The following TNRC6C variants were observed in gnomAD, a reference collection of about 807,000 sequenced individuals.
TNRC6C encodes trinucleotide repeat-containing gene 6C protein.
TNRC6C carries 20 observed loss-of-function variants against 153.7 expected under a neutral mutation model. The observed-to-expected ratio is 0.13, with a 90% CI of 0.09 to 0.19. The LOEUF (loss-of-function observed/expected upper bound fraction) is 0.19, where lower values mean the gene tolerates loss of function less well. Ranked by LOEUF, TNRC6C falls within the 10% of genes least tolerant of loss-of-function variation. The pLI is 1.00. For missense variants in TNRC6C, 1,987 were observed against 2,172.0 expected (o/e 0.91, Z 1.69); for synonymous variants, 811 against 841.4 (o/e 0.96, Z 0.63).
intron 1 of TNRC6C, among the ~76,000 whole-genome samples, chr17:78,030,321 T>TGTGTGC (rs1555633022): frequency 7.3e-6 from 1 of 137,878 alleles, no homozygotes; most frequent in African/African-American, 2.5e-5. Context: ...GGCTTGTGTG[T>TGTGTGC]GTGCGTGTGT....
intron 1 of TNRC6C, among the ~76,000 whole-genome samples, chr17:77,962,484 A>G (rs1373272565): frequency 6.6e-6 from 1 of 152,234 alleles, no homozygotes; most frequent in African/African-American, 2.4e-5. Context: ...AGAGCAAGCA[A>G]AGATTACCAA....
At chr17:78,011,130 G>A (rs892881396) in intron 1 of TNRC6C, among the ~76,000 whole-genome samples, 1 of 152,206 alleles carries the variant, frequency 6.6e-6, no homozygotes, top group Non-Finnish European at 1.5e-5. Flanking sequence ...ACAGTCTGCT[G>A]TCTAAAAAAT....
chr17:78,081,335 A>AG (rs2073175869), intron 10 of TNRC6C, among the ~76,000 whole-genome samples: 1 of 152,038 alleles, frequency 6.6e-6, no homozygotes, highest in Non-Finnish European at 1.5e-5. Flanking sequence ...TACGAAAAAG[A>AG]GCAGGATGCA....
At chr17:77,970,537 G>A (rs2070932480) in intron 1 of TNRC6C, among the ~76,000 whole-genome samples, 1 of 152,206 alleles carries the variant, frequency 6.6e-6, no homozygotes, top group South Asian at 2.1e-4. Flanking sequence ...TATGTTAAAT[G>A]ACTGAGACTG....
chr17:78,003,830 A>G (rs1459032485), upstream of TNRC6C, among the ~76,000 whole-genome samples: 1 of 152,186 alleles, frequency 6.6e-6, no homozygotes, highest in Non-Finnish European at 1.5e-5. Context: ...TTGGGAGGCC[A>G]GGGCAGGAGA....
rs1289657935 is a variant in TNRC6C at position 78,104,891 on chromosome 17, C to A, written c.*46C>A. 1.4e-6 allele frequency: 2 copies of A among 1,379,402 alleles called. No homozygotes were observed. The highest frequency in any genetic ancestry group is 6.9e-5 in the Admixed American group (2 of 29,166). 85.4% of individuals were successfully genotyped at this position (1,379,402 alleles called of 1,614,324 possible). A position where few individuals can be genotyped will look rare whatever the true frequency, so the allele number is the denominator to read the frequency against. On this transcript the variant is annotated 3_prime_UTR_variant, in exon 20 of 20. Coordinates refer to ENST00000301624, the Ensembl canonical transcript of TNRC6C. The surrounding 1 kb of genome is among the most constrained non-coding windows in gnomAD (Gnocchi z 6.2). Reference sequence around the variant, plus strand: ...AGGAGAGCCGACCCCTCCCGGGACCCCTCCCGGCTGGGCGGCCCCACAGAC... The same window carrying A: ...AGGAGAGCCGACCCCTCCCGGGACCACTCCCGGCTGGGCGGCCCCACAGAC...
intron 10 of TNRC6C, among the ~76,000 whole-genome samples, chr17:78,080,369 C>T (rs749212856): frequency 6.6e-6 from 1 of 152,052 alleles, no homozygotes; most frequent in Non-Finnish European, 1.5e-5. Context: ...TCGCTTGACC[C>T]GGGGAGGTGG....
intron 1 of TNRC6C, among the ~76,000 whole-genome samples, chr17:77,984,430 A>G (rs1364385032): frequency 6.6e-6 from 1 of 152,086 alleles, no homozygotes; most frequent in Non-Finnish European, 1.5e-5. Context: ...CCAGAGGCTA[A>G]GGTGGGAGGA....
chr17:78,014,113 A>G (rs2071686314), intron 1 of TNRC6C, among the ~76,000 whole-genome samples: 1 of 152,182 alleles, frequency 6.6e-6, no homozygotes. Context: ...TTCCCAATTT[A>G]TCAGTCCTGG....
At chr17:78,020,311 C>T (rs545790143) in intron 1 of TNRC6C, among the ~76,000 whole-genome samples, 8 of 152,278 alleles carry the variant, frequency 5.3e-5, no homozygotes, top group East Asian at 3.9e-4. Flanking sequence ...CATTATACTC[C>T]GGGACCCTTG....
At chr17:78,004,247 AGAAG>A, upstream of TNRC6C, 1 of 1,231,808 alleles carries the variant, frequency 8.1e-7, no homozygotes, top group Non-Finnish European at 1.0e-6. Context: ...GAAAAGAAAA[AGAAG>A]GAAGGTGCTC....
At chr17:78,070,412 A>G (rs960154899) in intron 5 of TNRC6C, among the ~76,000 whole-genome samples, 1 of 152,208 alleles carries the variant, frequency 6.6e-6, no homozygotes, top group African/African-American at 2.4e-5. Flanking sequence ...TTCATATTGT[A>G]ATAATGCATC....
rs752818377 is a variant in TNRC6C at position 78,049,675 on chromosome 17, C to T, written c.613C>T (p.Leu205=). Residue 205 remains leucine, a synonymous_variant, in exon 3 of 20, where the codon CTG becomes TTG. Transcript: ENST00000301624. This position sits in a 1 kb window ranked among gnomAD's most constrained non-coding sequence, Gnocchi z 4.1. Reference sequence around the variant, plus strand: ...TATCAATGCAATGCAGACAAATGGACTGCCAAACTGGGGCATGGCTGTTGG... The same window carrying T: ...TATCAATGCAATGCAGACAAATGGATTGCCAAACTGGGGCATGGCTGTTGG... The T allele has an allele frequency of 6.2e-7, 1 of 1,611,084 alleles. No homozygotes were observed. Among genetic ancestry groups the T allele is most frequent in the Non-Finnish European group, 8.5e-7 (1 of 1,177,562 alleles).
At chr17:78,045,275 G>T (rs986391953) in intron 2 of TNRC6C, among the ~76,000 whole-genome samples, 2 of 152,112 alleles carry the variant, frequency 1.3e-5, no homozygotes, top group Admixed American at 6.5e-5. Context: ...AATGGAAAAG[G>T]TTCTAGAAAT....
At chr17:77,976,018 A>G (rs1215094160) in intron 1 of TNRC6C, among the ~76,000 whole-genome samples, 2 of 152,166 alleles carry the variant, frequency 1.3e-5, no homozygotes, top group African/African-American at 4.8e-5. Flanking sequence ...TTTGGGTTTA[A>G]TTTTTATTTT....
intron 1 of TNRC6C, among the ~76,000 whole-genome samples, chr17:77,992,161 G>A (rs1055842734): frequency 6.6e-6 from 1 of 152,128 alleles, no homozygotes; most frequent in South Asian, 2.1e-4. Flanking sequence ...GTTGGAACTC[G>A]GTATTTATGG....
At chr17:78,007,037 T>A (rs1391184522) in intron 1 of TNRC6C, among the ~76,000 whole-genome samples, 1 of 151,296 alleles carries the variant, frequency 6.6e-6, no homozygotes, top group Non-Finnish European at 1.5e-5. Flanking sequence ...GAGACAGGGT[T>A]TCACCATGTT....
At chr17:78,004,906 C>T, upstream of TNRC6C, 1 of 574,160 alleles carries the variant, frequency 1.7e-6, no homozygotes, top group Non-Finnish European at 2.6e-6. Flanking sequence ...ATTTTTCCCA[C>T]TAATAAATTG....
At chr17:78,031,040 A>G (rs1428404971) in intron 1 of TNRC6C, among the ~76,000 whole-genome samples, 2 of 152,140 alleles carry the variant, frequency 1.3e-5, no homozygotes, top group Non-Finnish European at 2.9e-5. Flanking sequence ...TGGAGGTTGC[A>G]GTGAGCTAAG....
Sources: allele counts gnomAD v4.1 joint callset (sites outside exome capture counted in the v4.1 genomes callset), GRCh38; gene constraint gnomAD v4.1.1; non-coding constraint Gnocchi (gnomAD v3.1); transcripts MANE v1.5; gene names NCBI Gene and HGNC (gene_info 2026-07-23, HGNC 2026-07-21).